Variants in LRP1B observed in about 807,000 individuals in gnomAD.
LRP1B encodes the protein low-density lipoprotein receptor-related protein 1B.
A neutral mutation model predicts 556.6 loss-of-function variants in LRP1B; 217 were observed. The ratio of observed to expected loss-of-function variants is 0.39; its 90% CI spans 0.35 to 0.44. The LOEUF (loss-of-function observed/expected upper bound fraction) is 0.44. LRP1B is among the 20% of genes least tolerant of loss of function. The pLI is 1.00. For missense variants in LRP1B, 5,053 were observed against 5,620.8 expected (o/e 0.90, Z 3.23); for synonymous variants, 2,047 against 1,865.8 (o/e 1.10, Z -2.50).
chr2:140,776,542 T>A (rs898474756), intron 32 of LRP1B, among the ~76,000 whole-genome samples: 1 of 147,390 alleles, frequency 6.8e-6, no homozygotes, highest in African/African-American at 2.5e-5. Flanking sequence ...AATAAAAGCG[T>A]ATTTCAAATT....
At chr2:141,391,264 T>C (rs1481934901) in intron 3 of LRP1B, among the ~76,000 whole-genome samples, 7 of 152,182 alleles carry the variant, frequency 4.6e-5, no homozygotes, top group Non-Finnish European at 1.0e-4. Context: ...CCTTCTACAG[T>C]GCCTTACTTA....
At chr2:141,728,748 T>C (rs1481982156) in intron 2 of LRP1B, among the ~76,000 whole-genome samples, 2 of 152,194 alleles carry the variant, frequency 1.3e-5, no homozygotes, top group Non-Finnish European at 2.9e-5. Context: ...ATTATAGACA[T>C]GCTGATAAGT....
chr2:140,896,235 T>C (rs1249980797), intron 23 of LRP1B, among the ~76,000 whole-genome samples: 1 of 151,994 alleles, frequency 6.6e-6, no homozygotes, highest in African/African-American at 2.4e-5. Flanking sequence ...TAACTGAATA[T>C]TGAGATATGA....
At chr2:140,261,324 C>T (rs1558933242) in intron 86 of LRP1B, among the ~76,000 whole-genome samples, 1 of 151,640 alleles carries the variant, frequency 6.6e-6, no homozygotes, top group African/African-American at 2.4e-5. Context: ...ACAACTAGTC[C>T]AAATCCATTA....
Position 140,348,321 on chromosome 2 carries a change from T to C in LRP1B, c.11892+2476A>G, listed in dbSNP as rs552957565. On this transcript the variant is annotated intron_variant, in intron 77 of 90. Transcript: ENST00000389484. ...GGAGGCAAAGTTAAATAGTTGCTTT[T>C]ATCAGTTTATCAGTGTAGCTCTAAA... Among the ~76,000 whole-genome samples the C allele has an allele frequency of 5.3e-5, 8 of 152,210 alleles. No homozygotes were observed. In the South Asian group the frequency reaches 1.7e-3, roughly 32 times the overall value.
intron 1 of LRP1B, among the ~76,000 whole-genome samples, chr2:141,900,319 C>G (rs1699579754): frequency 6.6e-6 from 1 of 152,046 alleles, no homozygotes; most frequent in South Asian, 2.1e-4. Flanking sequence ...CAAACATTAT[C>G]TAACTTCTAA....
intron 7 of LRP1B, among the ~76,000 whole-genome samples, chr2:141,100,104 T>G (rs1448633021): frequency 6.6e-6 from 1 of 152,144 alleles, no homozygotes; most frequent in African/African-American, 2.4e-5. Flanking sequence ...CTCTTATTGC[T>G]GAACTCCCCA....
At chr2:141,306,887 G>A (rs947271192) in intron 3 of LRP1B, among the ~76,000 whole-genome samples, 1 of 151,954 alleles carries the variant, frequency 6.6e-6, no homozygotes, top group Non-Finnish European at 1.5e-5. Context: ...GAAGCATGTT[G>A]TTTAATTTCA....
intron 6 of LRP1B, among the ~76,000 whole-genome samples, chr2:141,195,021 G>C (rs1158520132): frequency 6.6e-6 from 1 of 152,184 alleles, no homozygotes; most frequent in Non-Finnish European, 1.5e-5. Context: ...CAAATTCTTT[G>C]ATACTCCTCC....
intron 3 of LRP1B, among the ~76,000 whole-genome samples, chr2:141,458,885 G>A (rs1681742085): frequency 6.6e-6 from 1 of 152,094 alleles, no homozygotes; most frequent in African/African-American, 2.4e-5. Flanking sequence ...GATATAAATG[G>A]TTGAATGTCT....
At position 140,233,345 on chromosome 2, in the gene LRP1B, AAATAT is replaced by A; in HGVS notation, c.13660-24_13660-20del. 1 of 1,543,964 alleles carries A rather than the reference AAATAT, an allele frequency of 6.5e-7. No individual in the cohort carries two copies. The highest frequency in any genetic ancestry group is 2.3e-5 in the East Asian group (1 of 43,048). The stretch of plus-strand genomic sequence containing the variant: ...TTGTTGGCTGAAGGAGAAAAAAAAT[AAATAT>A]AATTTTATTACTGGTCTTGGCCACA... On this transcript the variant is annotated intron_variant, in intron 90 of 90. Coordinates refer to ENST00000389484, the MANE Select transcript of LRP1B (RefSeq NM_018557.3).
chr2:141,189,564 A>C (rs1443666236), intron 6 of LRP1B, among the ~76,000 whole-genome samples: 1 of 151,988 alleles, frequency 6.6e-6, no homozygotes, highest in Non-Finnish European at 1.5e-5. Context: ...AATCTGTACT[A>C]CTGGGTTGCA....
At chr2:141,596,477 C>G (rs1014870599) in intron 2 of LRP1B, among the ~76,000 whole-genome samples, 1 of 151,838 alleles carries the variant, frequency 6.6e-6, no homozygotes, top group East Asian at 1.9e-4. Flanking sequence ...TGTAGGTATG[C>G]GTTAATAATA....
At chr2:142,083,779 T>G (rs1238915427) in intron 1 of LRP1B, among the ~76,000 whole-genome samples, 1 of 152,172 alleles carries the variant, frequency 6.6e-6, no homozygotes, top group African/African-American at 2.4e-5. Context: ...GAGCAAAAAA[T>G]CTTTATCAAA....
At chr2:141,355,001 T>C (rs150745828) in intron 3 of LRP1B, among the ~76,000 whole-genome samples, 1,780 of 152,168 alleles carry the variant, frequency 0.012, 23 homozygotes, top group Middle Eastern at 0.02. Context: ...TATTGGAATG[T>C]TTTCTGGGGA....
At chr2:140,867,972 C>T in intron 26 of LRP1B, 127 bp downstream of exon 26, 1 of 1,116,658 alleles carries the variant, frequency 9.0e-7, no homozygotes, top group Non-Finnish European at 1.2e-6. Context: ...TTGGGGCAAG[C>T]AAAAAAAAAA....
intron 66 of LRP1B, among the ~76,000 whole-genome samples, chr2:140,394,847 T>C (rs1364369978): frequency 2.0e-5 from 3 of 152,148 alleles, no homozygotes; most frequent in Admixed American, 6.6e-5. Flanking sequence ...TTTTCTCCCA[T>C]TGAGATTGTA....
intron 1 of LRP1B, among the ~76,000 whole-genome samples, chr2:141,976,285 G>A (rs1331795111): frequency 6.6e-6 from 1 of 152,004 alleles, no homozygotes; most frequent in Non-Finnish European, 1.5e-5. Flanking sequence ...ATGTCAGCAG[G>A]TGTCAGAAAA....
At position 141,424,113 on chromosome 2, in the gene LRP1B, C is replaced by CTTT. The variant is rs11465120; in HGVS notation, c.343+56280_343+56282dup. On this transcript the variant is annotated intron_variant, in intron 3 of 90. Transcript: ENST00000389484. ...GGAGTTAACTATTACAAGCCTTCAT[C>CTTT]TTTTTTTTTTTTTTTTTGAGATGGG... Among the ~76,000 whole-genome samples, 264 of 136,950 alleles carry CTTT rather than the reference C, an allele frequency of 1.9e-3. 23 individuals carry two copies. The highest frequency in any genetic ancestry group is 6.3e-3 in the East Asian group (29 of 4,586). The allele number at this position is 136,950 out of a possible 152,430, so 89.8% of individuals were successfully genotyped here. A position where few individuals can be genotyped will look rare whatever the true frequency, so the allele number is the denominator to read the frequency against.
Sources: allele counts gnomAD v4.1 joint callset (sites outside exome capture counted in the v4.1 genomes callset), GRCh38; gene constraint gnomAD v4.1.1; transcripts MANE v1.5; gene names NCBI Gene and HGNC (gene_info 2026-07-23, HGNC 2026-07-21).